Variants in FBXL20 observed in about 807,000 individuals in gnomAD.
FBXL20 encodes the protein F-box and leucine rich repeat protein 20.
Under a neutral mutation model 64.0 loss-of-function variants are expected in FBXL20, and 11 were observed. The ratio of observed to expected loss-of-function variants is 0.17; its 90% CI spans 0.11 to 0.28. FBXL20 has a LOEUF of 0.28. Among genes scored for constraint, FBXL20 ranks in the 10% least tolerant of loss-of-function variants. The pLI is 1.00. For missense variants in FBXL20, 303 were observed against 526.2 expected (o/e 0.58, Z 4.15); for synonymous variants, 184 against 189.0 (o/e 0.97, Z 0.22).
At chr17:39,378,930 T>A (rs1008076936) in intron 1 of FBXL20, among the ~76,000 whole-genome samples, 18 of 145,402 alleles carry the variant, frequency 1.2e-4, no homozygotes, top group Admixed American at 2.0e-4. Context: ...CTATAATTTT[T>A]AAAAAAACGA....
chr17:39,298,593 C>T (rs1005947788), intron 5 of FBXL20, among the ~76,000 whole-genome samples: 2 of 152,054 alleles, frequency 1.3e-5, no homozygotes, highest in African/African-American at 4.8e-5. Context: ...TGGTGGTACA[C>T]GTCTTCAGTC....
Position 39,381,309 on chromosome 17 carries a change from C to G in FBXL20, c.42+20052G>C, listed in dbSNP as rs374761360. On this transcript the variant is annotated intron_variant, in intron 1 of 14. Coordinates refer to ENST00000264658, the MANE Select transcript of FBXL20 (RefSeq NM_032875.3). Reference sequence around the variant, plus strand: ...TGGGCAACAGCTAGAACTACCTCATCTCCACAAAAAAATACAAAAAATTAG... The same window carrying G: ...TGGGCAACAGCTAGAACTACCTCATGTCCACAAAAAAATACAAAAAATTAG... Among the ~76,000 whole-genome samples, 25 of 150,248 alleles carry G rather than the reference C, an allele frequency of 1.7e-4. No individual in the cohort carries two copies. In the South Asian group the frequency reaches 4.9e-3, roughly 29 times the overall value.
chr17:39,328,543 A>G (rs972262900), intron 2 of FBXL20, among the ~76,000 whole-genome samples: 4 of 152,230 alleles, frequency 2.6e-5, no homozygotes, highest in Non-Finnish European at 5.9e-5. Context: ...TGCACTGAAT[A>G]TATTAGCAAT....
chr17:39,313,525 G>T (rs956128561), intron 2 of FBXL20, among the ~76,000 whole-genome samples: 1 of 152,066 alleles, frequency 6.6e-6, no homozygotes, highest in Non-Finnish European at 1.5e-5. Context: ...GAGCCACCTT[G>T]CCCAGCCGAG....
At chr17:39,282,876 G>C in intron 7 of FBXL20, 21 bp from the exon 8 acceptor site, 2 of 1,613,526 alleles carry the variant, frequency 1.2e-6, no homozygotes, top group African/African-American at 2.7e-5. Context: ...AACAAAATAA[G>C]AGAAACATAT....
At chr17:39,386,991 T>C (rs1337301999) in intron 1 of FBXL20, among the ~76,000 whole-genome samples, 1 of 152,218 alleles carries the variant, frequency 6.6e-6, no homozygotes, top group Non-Finnish European at 1.5e-5. Context: ...TTGCTAGGTA[T>C]GTAATACAGG....
At chr17:39,382,312 G>A (rs779950259) in intron 1 of FBXL20, among the ~76,000 whole-genome samples, 32 of 150,818 alleles carry the variant, frequency 2.1e-4, no homozygotes, top group African/African-American at 5.6e-4. Flanking sequence ...GCATGGTGGC[G>A]TACGCCTGTA....
At chr17:39,347,858 T>A (rs562674467) in intron 1 of FBXL20, among the ~76,000 whole-genome samples, 1 of 152,284 alleles carries the variant, frequency 6.6e-6, no homozygotes, top group South Asian at 2.1e-4. Context: ...CATCTTGAAT[T>A]AATTTTTGTA....
intron 6 of FBXL20, among the ~76,000 whole-genome samples, chr17:39,294,169 CT>C (rs1413977404): frequency 4.0e-5 from 6 of 151,538 alleles, no homozygotes; most frequent in Non-Finnish European, 8.8e-5. Flanking sequence ...GACATAGGGT[CT>C]CACTATGTTG....
intron 1 of FBXL20, among the ~76,000 whole-genome samples, chr17:39,401,029 C>A (rs185136758): frequency 5.5e-4 from 84 of 152,180 alleles, no homozygotes; most frequent in African/African-American, 2.0e-3. Context: ...GGACCGGAGC[C>A]GTGATGGCTG....
chr17:39,349,984 A>G (rs549550972), intron 1 of FBXL20, among the ~76,000 whole-genome samples: 13 of 152,284 alleles, frequency 8.5e-5, no homozygotes, highest in African/African-American at 3.1e-4. Context: ...ATGCCCAAAA[A>G]ATTATTTAAA....
chr17:39,385,336 C>CACAT (rs2144663824), intron 1 of FBXL20, among the ~76,000 whole-genome samples: 1 of 152,162 alleles, frequency 6.6e-6, no homozygotes, highest in African/African-American at 2.4e-5. Flanking sequence ...CACACACACA[C>CACAT]ACACATAAAT....
intron 2 of FBXL20, among the ~76,000 whole-genome samples, chr17:39,324,780 G>T (rs571382037): frequency 1.3e-5 from 2 of 152,248 alleles, no homozygotes; most frequent in East Asian, 1.9e-4. Context: ...TTGCAGCAAG[G>T]TTTGATCATT....
At chr17:39,273,566 G>A (rs936576650) in intron 10 of FBXL20, among the ~76,000 whole-genome samples, 3 of 152,106 alleles carry the variant, frequency 2.0e-5, no homozygotes, top group African/African-American at 4.8e-5. Context: ...GGTGGCTCAC[G>A]CCTGTAAACC....
At chr17:39,319,595 C>CA (rs1439068524) in intron 2 of FBXL20, among the ~76,000 whole-genome samples, 1 of 132,492 alleles carries the variant, frequency 7.5e-6, no homozygotes, top group African/African-American at 2.8e-5. Context: ...TGAGGCAGGA[C>CA]AATTGCTTGA....
At chr17:39,280,094 G>C (rs1456790108) in intron 9 of FBXL20, among the ~76,000 whole-genome samples, 1 of 152,030 alleles carries the variant, frequency 6.6e-6, no homozygotes, top group Non-Finnish European at 1.5e-5. Context: ...AATCAGCCAG[G>C]TGTGGTGACG....
chr17:39,289,551 GGA>G (rs1039064130), intron 6 of FBXL20, among the ~76,000 whole-genome samples: 3 of 152,038 alleles, frequency 2.0e-5, no homozygotes, highest in African/African-American at 7.3e-5. Flanking sequence ...CAGCTACTTG[GGA>G]GGCTGAGGTG....
intron 2 of FBXL20, among the ~76,000 whole-genome samples, chr17:39,337,410 C>A (rs1044516893): frequency 2.4e-4 from 36 of 152,200 alleles, no homozygotes; most frequent in Non-Finnish European, 5.9e-5. Flanking sequence ...GCCGCCACCC[C>A]ATCTGGGAAG....
At chr17:39,341,757 C>G (rs1044640776) in intron 2 of FBXL20, among the ~76,000 whole-genome samples, 1 of 152,108 alleles carries the variant, frequency 6.6e-6, no homozygotes, top group Admixed American at 6.6e-5. Flanking sequence ...TGCCCTCAGC[C>G]TTGGAGAAAA....
Sources: gnomAD v4.1 joint callset for allele counts (sites outside exome capture counted in the v4.1 genomes callset) on GRCh38, gnomAD v4.1.1 for gene constraint, MANE v1.5 for transcripts, NCBI Gene and HGNC (gene_info 2026-07-23, HGNC 2026-07-21) for gene names.